Variants in ZC3H12B observed in about 807,000 individuals in gnomAD.
ZC3H12B encodes zinc finger CCCH-type containing 12B.
A neutral mutation model predicts 43.9 loss-of-function variants in ZC3H12B; 7 were observed. The observed-to-expected ratio is 0.16, with a 90% CI of 0.09 to 0.30. The LOEUF is 0.30. Among genes scored for constraint, ZC3H12B ranks in the 10% least tolerant of loss-of-function variants. ZC3H12B has a pLI of 1.00. For synonymous variants in ZC3H12B, 222 were observed against 241.7 expected, an observed-to-expected ratio of 0.92 and a Z score of 0.76; for missense variants, 475 against 670.2, an observed-to-expected ratio of 0.71 and a Z score of 3.22.
the ZC3H12B span, among the ~76,000 whole-genome samples, chrX:65,087,068 T>C: frequency 9.1e-6 from 1 of 110,461 alleles, no homozygotes; most frequent in African/African-American, 3.3e-5. Flanking sequence ...CTGAGTCTTC[T>C]CTTTAGGTCT....
the ZC3H12B span, among the ~76,000 whole-genome samples, chrX:65,193,402 T>C: frequency 8.9e-6 from 1 of 111,921 alleles, no homozygotes; most frequent in Non-Finnish European, 1.9e-5. Flanking sequence ...CCCTTGCTTC[T>C]AAATTTTCCA....
chrX:65,394,092 C>CAGAT (rs1190606462), intron 2 of ZC3H12B, among the ~76,000 whole-genome samples: 2 of 111,618 alleles, frequency 1.8e-5, no homozygotes, highest in Non-Finnish European at 3.8e-5. Flanking sequence ...TTATCAATTC[C>CAGAT]AGATATTAGA....
At chrX:65,442,833 G>A (rs1271880760) in intron 3 of ZC3H12B, among the ~76,000 whole-genome samples, 3 of 111,870 alleles carry the variant, frequency 2.7e-5, no homozygotes, top group East Asian at 5.6e-4. Flanking sequence ...TCTGGGGGGT[G>A]TATTCTAACA....
chrX:65,049,510 A>G, the ZC3H12B span, among the ~76,000 whole-genome samples: 5 of 111,137 alleles, frequency 4.5e-5, no homozygotes, highest in African/African-American at 9.8e-5. Flanking sequence ...TGGGCTCACT[A>G]TTCTTTTCGA....
chrX:65,368,471 C>T (rs773344780), intron 1 of ZC3H12B, among the ~76,000 whole-genome samples: 12 of 111,383 alleles, frequency 1.1e-4, no homozygotes, highest in African/African-American at 1.6e-4. Context: ...ACTGTTCATC[C>T]GTGGTTCTCT....
chrX:65,035,525 A>C, the ZC3H12B span, among the ~76,000 whole-genome samples: 1 of 111,486 alleles, frequency 9.0e-6, no homozygotes. Flanking sequence ...GATGCTGATA[A>C]TTCTACGTAC....
chrX:65,410,212 G>A, intron 3 of ZC3H12B, among the ~76,000 whole-genome samples: 1 of 110,781 alleles, frequency 9.0e-6, no homozygotes, highest in East Asian at 2.8e-4. Flanking sequence ...ATACTTTGGG[G>A]AAAAGACAGT....
At chrX:65,054,249 A>G in the ZC3H12B span, among the ~76,000 whole-genome samples, 2 of 112,033 alleles carry the variant, frequency 1.8e-5, no homozygotes, top group Admixed American at 1.9e-4. Context: ...TAGGTCTAAC[A>G]TTCAGGTCTT....
rs149107990 is a variant in ZC3H12B, at chrX:65,451,014, C to T, written n.408-37632C>T. On this transcript the variant is annotated intron_variant and non_coding_transcript_variant, in intron 3 of 5. Transcript: ENST00000617377. ...CCAGGCTGAAGTGCAGTGGTGCGATCTCACCTCACTGCAAGCTCCACCTCC... is the reference window on the plus strand; with the variant it reads ...CCAGGCTGAAGTGCAGTGGTGCGATTTCACCTCACTGCAAGCTCCACCTCC... Among the ~76,000 whole-genome samples, 157 of 107,036 alleles carry T rather than the reference C, an allele frequency of 1.5e-3. 4 individuals are homozygous for T. The East Asian group carries it at 0.038, about 26-fold the overall frequency. The allele number at this position is 107,036 out of a possible 115,157, so 92.9% of individuals were successfully genotyped here. A position where few individuals can be genotyped will look rare whatever the true frequency, so the allele number is the denominator to read the frequency against.
At chrX:65,078,655 AG>A in the ZC3H12B span, among the ~76,000 whole-genome samples, 1 of 111,757 alleles carries the variant, frequency 8.9e-6, no homozygotes, top group African/African-American at 3.3e-5. Flanking sequence ...GATTGATTGA[AG>A]TGTGACAAGA....
chrX:65,119,501 T>G, the ZC3H12B span, among the ~76,000 whole-genome samples: 7 of 111,782 alleles, frequency 6.3e-5, no homozygotes, highest in African/African-American at 2.3e-4. Context: ...GCAGTTGTTT[T>G]TTTCTTGTAA....
At chrX:65,423,382 G>T (rs1297396286) in intron 3 of ZC3H12B, among the ~76,000 whole-genome samples, 2 of 112,175 alleles carry the variant, frequency 1.8e-5, no homozygotes, top group Non-Finnish European at 3.8e-5. Context: ...ACCCAGTAAT[G>T]GGATTGCTGG....
chrX:65,118,000 C>G, the ZC3H12B span, among the ~76,000 whole-genome samples: 1 of 111,589 alleles, frequency 9.0e-6, no homozygotes, highest in Non-Finnish European at 1.9e-5. Flanking sequence ...TAGCATGATG[C>G]CTCCAGCTTT....
chrX:65,309,728 G>T, the ZC3H12B span, among the ~76,000 whole-genome samples: 5 of 111,903 alleles, frequency 4.5e-5, no homozygotes, highest in South Asian at 1.8e-3. Flanking sequence ...GATGAATATT[G>T]ATGTGAAAGT....
rs1317986937 is a variant in ZC3H12B at position 65,383,852 on chromosome X, T to A, written n.296-14741T>A. Among the ~76,000 whole-genome samples, 423 of 108,783 alleles carry A rather than the reference T, an allele frequency of 3.9e-3. 1 individual carries two copies. Among genetic ancestry groups the A allele is most frequent in the Non-Finnish European group, 7.4e-3 (387 of 52,223 alleles). The allele number at this position is 108,783 out of a possible 115,157, so 94.5% of individuals were successfully genotyped here. On this transcript the variant is annotated intron_variant and non_coding_transcript_variant, in intron 2 of 5. Transcript: ENST00000617377. ...TCACACCAGTTAGAATGGCAATCAT[T>A]AAAAAGTCAGGAAACAACAGGTGCT...
At chrX:65,332,154 C>T in the ZC3H12B span, among the ~76,000 whole-genome samples, 1 of 110,440 alleles carries the variant, frequency 9.1e-6, no homozygotes, top group African/African-American at 3.3e-5. Flanking sequence ...ATATTTCTCC[C>T]CTCCCTTTTA....
At chrX:65,377,233 A>G (rs1569381810) in intron 2 of ZC3H12B, among the ~76,000 whole-genome samples, 1 of 109,638 alleles carries the variant, frequency 9.1e-6, no homozygotes, top group Non-Finnish European at 1.9e-5. Flanking sequence ...CAAAAAAAAA[A>G]GAATAAAAAA....
the ZC3H12B span, among the ~76,000 whole-genome samples, chrX:65,117,914 G>T: frequency 4.5e-5 from 5 of 110,712 alleles, no homozygotes; most frequent in Admixed American, 2.9e-4. Flanking sequence ...CTGTTCCATT[G>T]GTTTATATCT....
chrX:65,454,868 G>C (rs1333649769), intron 3 of ZC3H12B, among the ~76,000 whole-genome samples: 1 of 111,711 alleles, frequency 9.0e-6, no homozygotes, highest in Non-Finnish European at 1.9e-5. Context: ...AGGCAAACAG[G>C]GTCTGGAGTG....
Sources: gnomAD v4.1 joint callset for allele counts (sites outside exome capture counted in the v4.1 genomes callset) on GRCh38, gnomAD v4.1.1 for gene constraint, MANE v1.5 for transcripts, NCBI Gene and HGNC (gene_info 2026-07-23, HGNC 2026-07-21) for gene names.